The following ATP6V1B2 variants were observed in gnomAD, a reference collection of about 807,000 sequenced individuals.
ATP6V1B2 encodes V-type proton ATPase subunit B, brain isoform.
In ATP6V1B2, 23 loss-of-function variants were observed where a neutral mutation model predicts 66.7. The observed-to-expected ratio is 0.34, with a 90% CI of 0.25 to 0.49. The LOEUF is 0.49. Ranked by LOEUF, ATP6V1B2 falls within the 20% of genes least tolerant of loss-of-function variation. ATP6V1B2 has a pLI of 0.99. For synonymous variants in ATP6V1B2, 278 were observed against 236.7 expected, an observed-to-expected ratio of 1.17 and a Z score of -1.60; for missense variants, 478 against 650.8, an observed-to-expected ratio of 0.73 and a Z score of 2.89.
intron 1 of ATP6V1B2, among the ~76,000 whole-genome samples, chr8:20,201,376 T>C (rs1401705866): frequency 6.6e-6 from 1 of 152,180 alleles, no homozygotes; most frequent in Non-Finnish European, 1.5e-5. Flanking sequence ...GTATCTCTGT[T>C]TTGGGCTGTT....
chr8:20,206,700 ACT>A (rs916416621), intron 2 of ATP6V1B2, among the ~76,000 whole-genome samples: 62 of 151,824 alleles, frequency 4.1e-4, no homozygotes, highest in African/African-American at 1.5e-3. Flanking sequence ...GAACCCAGAA[ACT>A]CTCCAAACAC....
rs1430607145 is a variant in ATP6V1B2 at position 20,217,286 on chromosome 8, A to G, written c.1228A>G (p.Met410Val). Residue 410 changes from methionine (M) to valine (V), a missense_variant, in exon 12 of 14, where the codon ATG becomes GTG. Around this residue, in one of 2 missense-constraint regions of ATP6V1B2, gnomAD observed 326 missense variants for 545.6 expected, o/e 0.60. Transcript: ENST00000276390. ...AATGAAGTCTGCTATTGGAGAAGGGATGACCAGGAAGGATCATGCCGATGT... is the reference window on the plus strand; with the variant it reads ...AATGAAGTCTGCTATTGGAGAAGGGGTGACCAGGAAGGATCATGCCGATGT... ...RLMKSAIGEG[M>V]TRKDHADVSN... The G allele has an allele frequency of 4.3e-6, 7 of 1,613,226 alleles. No homozygotes were observed. The highest frequency in any genetic ancestry group is 1.1e-5 in the South Asian group (1 of 91,050).
rs1203482404 is a variant in ATP6V1B2, at chr8:20,221,442, C to T, written c.*1040C>T. The T allele has an allele frequency of 6.6e-6, 1 of 152,612 alleles. No homozygotes were observed. The highest frequency in any genetic ancestry group is 2.4e-5 in the African/African-American group (1 of 41,426). The allele number at this position is 152,612 out of a possible 1,614,324, so 9.5% of individuals were successfully genotyped here. A position where few individuals can be genotyped will look rare whatever the true frequency, so the allele number is the denominator to read the frequency against. On this transcript the variant is annotated 3_prime_UTR_variant, in exon 14 of 14. Transcript: ENST00000276390. ...TTTAGAGTTTTCTGAATTCCTGCGC[C>T]TTCCTGACGTGAGCCCTGAGCGATC... is the stretch of plus-strand genomic sequence containing the variant.
chr8:20,209,090 A>G (rs1021104971), intron 2 of ATP6V1B2, among the ~76,000 whole-genome samples: 2 of 152,094 alleles, frequency 1.3e-5, no homozygotes, highest in Non-Finnish European at 2.9e-5. Context: ...GAAAGCAATC[A>G]TCATTTCTAG....
At position 20,217,332 on chromosome 8, in the gene ATP6V1B2, C is replaced by T. The variant is rs1261008335; in HGVS notation, c.1266+8C>T. On this transcript the variant is annotated splice_region_variant and intron_variant, in intron 12 of 13. Transcript: ENST00000276390. ...GATGTATCTAACCAGCTAGTATGTA[C>T]ATTCTTCTAAGAATGGTGTTTGAAA... is the stretch of plus-strand genomic sequence containing the variant. 1.8e-5 allele frequency: 29 copies of T among 1,593,952 alleles called. No individual in the cohort carries two copies. Among genetic ancestry groups the T allele is most frequent in the Non-Finnish European group, 2.4e-5 (28 of 1,161,968 alleles).
At chr8:20,217,406 C>T (rs2072867155) in intron 12 of ATP6V1B2, 82 bp downstream of exon 12, 2 of 1,213,124 alleles carry the variant, frequency 1.6e-6, no homozygotes, top group Admixed American at 3.4e-5. Flanking sequence ...TCACCCTTAC[C>T]ACTTCTCTCT....
In ATP6V1B2 at chr8:20,220,268, T is replaced by G; in HGVS notation, c.1402T>G (p.Tyr468Asp). The G allele has an allele frequency of 6.2e-7, 1 of 1,601,914 alleles. No individual in the cohort carries two copies. The highest frequency in any genetic ancestry group is 8.5e-7 in the Non-Finnish European group (1 of 1,176,612). ...TTCAATCTCAATTTTTTAAGGTCCT[T>G]ACGAAAATCGCACTGTCTTTGAGAC... Reference protein sequence around the residue: ...FERNFIAQGPYENRTVFETLD... With the variant: ...FERNFIAQGPDENRTVFETLD... The change falls in exon 14 of 14, where the codon TAC (tyrosine) becomes GAC (aspartate). Residue 468 changes from tyrosine to aspartate, a missense_variant. Transcript: ENST00000276390.
chr8:20,204,049 G>C, intron 1 of ATP6V1B2: 1 of 452,732 alleles, frequency 2.2e-6, no homozygotes, highest in South Asian at 1.6e-5. Flanking sequence ...GCTAAATGCT[G>C]CGTCCTCTAT....
At chr8:20,214,757 T>A in intron 9 of ATP6V1B2, 61 bp from the exon 10 acceptor site, 1 of 1,484,230 alleles carries the variant, frequency 6.7e-7, no homozygotes, top group Non-Finnish European at 9.0e-7. Context: ...GAAACAAACA[T>A]GTTGTAAGCA....
intron 13 of ATP6V1B2, 135 bp from the exon 14 acceptor site, chr8:20,220,128 T>G: frequency 2.3e-6 from 2 of 863,970 alleles, no homozygotes; most frequent in Non-Finnish European, 3.4e-6. Context: ...GTCCTTCTCA[T>G]TTAGTCTTGG....
At chr8:20,216,352 C>A in intron 10 of ATP6V1B2, 61 bp from the exon 11 acceptor site, 2 of 1,476,438 alleles carry the variant, frequency 1.4e-6, no homozygotes, top group Non-Finnish European at 1.9e-6. Flanking sequence ...TGAGAGATGG[C>A]CGCTTTAAAA....
chr8:20,209,304 C>A, intron 2 of ATP6V1B2, 129 bp from the exon 3 acceptor site: 1 of 865,514 alleles, frequency 1.2e-6, no homozygotes, highest in South Asian at 1.7e-5. Context: ...AAGCTCTCAG[C>A]AAAAACCTGT....
chr8:20,205,369 G>T (rs562442108), intron 2 of ATP6V1B2, among the ~76,000 whole-genome samples: 9 of 152,276 alleles, frequency 5.9e-5, no homozygotes, highest in East Asian at 3.9e-4. Flanking sequence ...CGAGAACGGG[G>T]TCTCCCCTAG....
intron 1 of ATP6V1B2, chr8:20,204,101 G>A: frequency 2.3e-6 from 1 of 431,172 alleles, no homozygotes; most frequent in South Asian, 1.7e-5. Context: ...CTATTCCCCT[G>A]TTTCTGCTGT....
chr8:20,201,360 A>G (rs2072685476), intron 1 of ATP6V1B2, among the ~76,000 whole-genome samples: 1 of 152,218 alleles, frequency 6.6e-6, no homozygotes, highest in African/African-American at 2.4e-5. Context: ...GCCATAGTTT[A>G]AACTGGTATC....
At chr8:20,211,884 A>G in intron 7 of ATP6V1B2, 131 bp downstream of exon 7, 3 of 867,380 alleles carry the variant, frequency 3.5e-6, no homozygotes, top group Non-Finnish European at 5.2e-6. Context: ...TTTTGGCCAA[A>G]TTAAGGACTA....
chr8:20,217,169 C>T, intron 11 of ATP6V1B2, 51 bp from the exon 12 acceptor site: 1 of 1,453,626 alleles, frequency 6.9e-7, no homozygotes, highest in Admixed American at 1.7e-5. Context: ...ACCAGTAAAA[C>T]TTGAGTTTTG....
intron 10 of ATP6V1B2, 193 bp downstream of exon 10, chr8:20,215,161 T>C (rs1383524882): frequency 3.3e-6 from 2 of 607,204 alleles, no homozygotes; most frequent in Non-Finnish European, 5.1e-6. Flanking sequence ...AAAGCAATTT[T>C]CTTCATAATT....
Position 20,209,387 on chromosome 8 carries a change from G to A in ATP6V1B2, c.193-46G>A, listed in dbSNP as rs780951004. On this transcript the variant is annotated intron_variant, in intron 2 of 13. Coordinates refer to ENST00000276390, the MANE Select transcript of ATP6V1B2 (RefSeq NM_001693.4). ...ACAGAGCATGTGTAGTAATTTGGGG[G>A]GCTTGTAAAATGTCGGATATTGATC... 5.8e-6 allele frequency: 9 copies of A among 1,559,986 alleles called. No individual in the cohort carries two copies. The South Asian group carries it at 1.0e-4, about 17-fold the overall frequency.
Sources: gnomAD v4.1 joint callset for allele counts (sites outside exome capture counted in the v4.1 genomes callset) on GRCh38, gnomAD v4.1.1 for gene constraint, gnomAD v4.1.1 regional missense constraint, MANE v1.5 for transcripts, NCBI Gene and HGNC (gene_info 2026-07-23, HGNC 2026-07-21) for gene names.